The following NRXN1 variants were observed in gnomAD, a reference collection of about 807,000 sequenced individuals.
NRXN1 encodes neurexin-1.
In NRXN1, 39 loss-of-function variants were observed where a neutral mutation model predicts 150.9. The ratio of observed to expected loss-of-function variants is 0.26; its 90% confidence interval spans 0.20 to 0.34. The LOEUF (loss-of-function observed/expected upper bound fraction) is 0.34, where lower values mean the gene tolerates loss of function less well. Among genes scored for constraint, NRXN1 ranks in the 10% least tolerant of loss-of-function variants. The pLI is 1.00. For missense variants in NRXN1, 1,815 were observed against 1,949.9 expected (o/e 0.93, Z 1.30); for synonymous variants, 924 against 757.0 (o/e 1.22, Z -3.62).
At chr2:50,019,641 C>CAAAAAAAAAAAAAAAAAAAA (rs764073226) in intron 21 of NRXN1, among the ~76,000 whole-genome samples, 11 of 25,554 alleles carry the variant, frequency 4.3e-4, no homozygotes, top group African/African-American at 1.8e-3. Flanking sequence ...GATTCCGTCT[C>CAAAAAAAAAAAAAAAAAAAA]AAAAAAAAAA....
At chr2:50,218,570 T>C (rs1184661214) in intron 18 of NRXN1, among the ~76,000 whole-genome samples, 1 of 149,468 alleles carries the variant, frequency 6.7e-6, no homozygotes, top group Non-Finnish European at 1.5e-5. Context: ...TATAGCCCCC[T>C]CCCCACCACA....
intron 5 of NRXN1, among the ~76,000 whole-genome samples, chr2:50,643,398 T>C (rs1271315080): frequency 6.6e-6 from 1 of 152,014 alleles, no homozygotes; most frequent in Non-Finnish European, 1.5e-5. Context: ...CTCTTCTGTA[T>C]ACAATTTTTA....
At chr2:50,497,968 G>A (rs1171131233) in intron 13 of NRXN1, among the ~76,000 whole-genome samples, 1 of 151,960 alleles carries the variant, frequency 6.6e-6, no homozygotes, top group Non-Finnish European at 1.5e-5. Context: ...CAAAAGTAAT[G>A]GTATCTTTTA....
At chr2:50,014,801 C>G (rs1686299146) in intron 21 of NRXN1, among the ~76,000 whole-genome samples, 1 of 151,978 alleles carries the variant, frequency 6.6e-6, no homozygotes, top group South Asian at 2.1e-4. Context: ...TATTACATCC[C>G]CATAATCTTT....
At chr2:50,622,863 G>T (rs1271935016) in intron 6 of NRXN1, among the ~76,000 whole-genome samples, 2 of 152,120 alleles carry the variant, frequency 1.3e-5, no homozygotes, top group Admixed American at 1.3e-4. Flanking sequence ...CCATTTTGGG[G>T]TTGGGAGGAG....
intron 5 of NRXN1, 114 bp from the exon 6 acceptor site, chr2:50,623,729 T>A: frequency 2.8e-6 from 2 of 713,528 alleles, no homozygotes; most frequent in South Asian, 3.8e-5. Flanking sequence ...TAATTAGATT[T>A]CATGACATGA....
At chr2:49,939,143 A>G (rs1572943264) in intron 22 of NRXN1, among the ~76,000 whole-genome samples, 1 of 152,232 alleles carries the variant, frequency 6.6e-6, no homozygotes, top group African/African-American at 2.4e-5. Flanking sequence ...CATTTTTTCT[A>G]TAACATACTT....
chr2:49,995,315 T>C (rs964574007), intron 21 of NRXN1, among the ~76,000 whole-genome samples: 1 of 152,362 alleles, frequency 6.6e-6, no homozygotes, highest in East Asian at 1.9e-4. Context: ...ACTGAATTTC[T>C]ACATTTTAAT....
chr2:49,955,725 C>A (rs1350111098), intron 21 of NRXN1, among the ~76,000 whole-genome samples: 3 of 151,660 alleles, frequency 2.0e-5, no homozygotes, highest in Non-Finnish European at 2.9e-5. Flanking sequence ...GAAAAAAAAA[C>A]TATTCCTTTG....
chr2:50,320,289 T>C (rs13421447), intron 17 of NRXN1, among the ~76,000 whole-genome samples: 901 of 52,812 alleles, frequency 0.017, 18 homozygotes, highest in East Asian at 0.095. Context: ...CAATCATATA[T>C]ATATATATAT....
chr2:50,762,996 T>C (rs903705416), intron 5 of NRXN1, among the ~76,000 whole-genome samples: 4 of 151,966 alleles, frequency 2.6e-5, no homozygotes, highest in Admixed American at 2.0e-4. Flanking sequence ...TATAACTAAA[T>C]AGGCTACTTA....
intron 21 of NRXN1, among the ~76,000 whole-genome samples, chr2:49,999,857 G>T (rs1359131023): frequency 7.2e-5 from 11 of 152,088 alleles, no homozygotes; most frequent in Admixed American, 7.2e-4. Context: ...ATGACTAACT[G>T]CAGCATAAAG....
chr2:49,980,844 A>C (rs1351580153), intron 21 of NRXN1, among the ~76,000 whole-genome samples: 2 of 152,092 alleles, frequency 1.3e-5, no homozygotes, highest in East Asian at 3.8e-4. Flanking sequence ...ACCTCTAGAG[A>C]GAGGTAAAGT....
intron 15 of NRXN1, among the ~76,000 whole-genome samples, chr2:50,480,816 A>G (rs1472811536): frequency 6.6e-6 from 1 of 152,174 alleles, no homozygotes; most frequent in Admixed American, 6.5e-5. Context: ...AATCACCGAG[A>G]CAACTGAACT....
chr2:50,446,432 C>T (rs759849182), intron 17 of NRXN1, among the ~76,000 whole-genome samples: 1 of 130,612 alleles, frequency 7.7e-6, no homozygotes, highest in Non-Finnish European at 1.6e-5. Flanking sequence ...TCCTTCCTTT[C>T]CTCCTTCCTT....
chr2:50,796,223 G>A (rs1480945285), intron 5 of NRXN1, among the ~76,000 whole-genome samples: 1 of 152,152 alleles, frequency 6.6e-6, no homozygotes, highest in African/African-American at 2.4e-5. Flanking sequence ...GCTGGTGATA[G>A]AGAAAGTAGA....
At chr2:50,235,372 C>T (rs1294431356) in intron 18 of NRXN1, among the ~76,000 whole-genome samples, 2 of 151,816 alleles carry the variant, frequency 1.3e-5, no homozygotes, top group Non-Finnish European at 2.9e-5. Flanking sequence ...CCAGAGTTCC[C>T]CTCTTGAGAA....
At chr2:50,814,012 G>A (rs1218422039) in intron 5 of NRXN1, among the ~76,000 whole-genome samples, 1 of 152,174 alleles carries the variant, frequency 6.6e-6, no homozygotes, top group East Asian at 1.9e-4. Flanking sequence ...TTCTTAGCAA[G>A]AGGAGAAAAA....
intron 5 of NRXN1, among the ~76,000 whole-genome samples, chr2:50,733,625 A>G (rs1420188192): frequency 6.6e-6 from 1 of 152,196 alleles, no homozygotes; most frequent in Admixed American, 6.5e-5. Context: ...TTGGGCTACC[A>G]GAAGTAACTG....
Sources: gnomAD v4.1 joint callset for allele counts (sites outside exome capture counted in the v4.1 genomes callset) on GRCh38, gnomAD v4.1.1 for gene constraint, MANE v1.5 for transcripts, NCBI Gene and HGNC (gene_info 2026-07-23, HGNC 2026-07-21) for gene names.